The following GUCY1A2 variants were observed in gnomAD, a reference collection of about 807,000 sequenced individuals.
GUCY1A2 encodes guanylate cyclase 1 soluble subunit alpha 2, also known as guanylate cyclase soluble subunit alpha-2.
GUCY1A2 carries 27 observed loss-of-function variants against 63.5 expected under a neutral mutation model. The ratio of observed to expected loss-of-function variants is 0.43; its 90% CI spans 0.31 to 0.59. GUCY1A2 has a LOEUF of 0.59. Among genes scored for constraint, GUCY1A2 ranks in the 20% least tolerant of loss-of-function variants. The pLI is 0.11. For synonymous variants in GUCY1A2, 364 were observed against 343.5 expected (o/e 1.06, Z -0.66); for missense variants, 768 against 913.3 (o/e 0.84, Z 2.05).
intron 3 of GUCY1A2, among the ~76,000 whole-genome samples, chr11:106,944,215 CAAAAAAAAAAA>C (rs71041701): frequency 1.4e-4 from 3 of 21,576 alleles, no homozygotes; most frequent in African/African-American, 2.3e-4. Flanking sequence ...ACCCTGTCTC[CAAAAAAAAAAA>C]AAAAAAAAAA....
intron 4 of GUCY1A2, among the ~76,000 whole-genome samples, chr11:106,830,500 G>A (rs1049232958): frequency 6.6e-6 from 1 of 152,180 alleles, no homozygotes; most frequent in African/African-American, 2.4e-5. Context: ...CAATCCGGGT[G>A]GGCACCATCT....
intron 3 of GUCY1A2, among the ~76,000 whole-genome samples, chr11:106,944,634 G>A (rs1286140758): frequency 6.6e-6 from 1 of 152,044 alleles, no homozygotes; most frequent in Non-Finnish European, 1.5e-5. Context: ...ATGTACCCCT[G>A]AATTTAAAAT....
At chr11:106,798,384 A>G (rs1434152676) in intron 5 of GUCY1A2, among the ~76,000 whole-genome samples, 5 of 152,308 alleles carry the variant, frequency 3.3e-5, no homozygotes, top group Middle Eastern at 3.4e-3. Flanking sequence ...AATCAAAAGA[A>G]AAAGAGGGAA....
chr11:106,782,215 A>AT (rs1864477521), intron 5 of GUCY1A2, among the ~76,000 whole-genome samples: 1 of 152,146 alleles, frequency 6.6e-6, no homozygotes, highest in Non-Finnish European at 1.5e-5. Context: ...CAGAGTCTAC[A>AT]TTACTGAACA....
intron 6 of GUCY1A2, among the ~76,000 whole-genome samples, chr11:106,735,408 G>A (rs79449610): frequency 0.067 from 10,209 of 152,132 alleles, 992 homozygotes; most frequent in African/African-American, 0.21. Flanking sequence ...TCATCCTTCT[G>A]AGCTGGGCTT....
chr11:106,707,701 T>C (rs1862940828), intron 7 of GUCY1A2, among the ~76,000 whole-genome samples: 1 of 152,066 alleles, frequency 6.6e-6, no homozygotes. Context: ...ATTATGACTG[T>C]GAGAGACACA....
At chr11:106,986,040 C>G (rs1432846267) in intron 2 of GUCY1A2, 30 bp downstream of exon 2, 1 of 1,104,250 alleles carries the variant, frequency 9.1e-7, no homozygotes, top group South Asian at 1.2e-5. Flanking sequence ...AATTTGTCCC[C>G]AATAATAACC....
intron 4 of GUCY1A2, among the ~76,000 whole-genome samples, chr11:106,897,998 A>G (rs1019214464): frequency 2.0e-5 from 3 of 152,190 alleles, no homozygotes; most frequent in South Asian, 2.1e-4. Context: ...TTAAAACTCA[A>G]TATTAGGGAA....
chr11:106,674,841 C>T lies in GUCY1A2; in HGVS notation c.*12708G>A, dbSNP rs1214561966. On this transcript the variant is annotated 3_prime_UTR_variant, in exon 8 of 8. Coordinates refer to ENST00000526355, the MANE Select transcript of GUCY1A2 (RefSeq NM_000855.3). ...AATTCAGGTTAAATGAAAACCACCCCATGCAGAGGATGCTAATGAAGGCCG... is the reference window on the plus strand; with the variant it reads ...AATTCAGGTTAAATGAAAACCACCCTATGCAGAGGATGCTAATGAAGGCCG... The T allele has an allele frequency of 7.4e-5, 16 of 217,472 alleles. No individual in the cohort carries two copies. The highest frequency in any genetic ancestry group is 3.0e-3 in the Middle Eastern group (2 of 676). 13.5% of individuals were successfully genotyped at this position (217,472 alleles called of 1,614,324 possible).
At chr11:106,789,333 T>C (rs61905192) in intron 5 of GUCY1A2, among the ~76,000 whole-genome samples, 15,959 of 152,148 alleles carry the variant, frequency 0.1, 1,019 homozygotes, top group African/African-American at 0.17. Context: ...CTGCTTGAGG[T>C]TTTTAATTAT....
At chr11:106,943,509 G>A (rs998884935) in intron 3 of GUCY1A2, among the ~76,000 whole-genome samples, 1 of 152,122 alleles carries the variant, frequency 6.6e-6, no homozygotes, top group African/African-American at 2.4e-5. Flanking sequence ...AATGAAATAC[G>A]ATCTGTTCCT....
chr11:106,924,401 C>T (rs7929753), intron 4 of GUCY1A2, among the ~76,000 whole-genome samples: 36,911 of 151,908 alleles, frequency 0.24, 4,594 homozygotes, highest in African/African-American at 0.31. Context: ...TATACAGAGC[C>T]TATCATAATA....
At chr11:106,812,815 T>A (rs2135425566) in intron 4 of GUCY1A2, among the ~76,000 whole-genome samples, 1 of 152,066 alleles carries the variant, frequency 6.6e-6, no homozygotes, top group Non-Finnish European at 1.5e-5. Flanking sequence ...TGTTGTTGAT[T>A]GCCTACACTA....
At position 106,985,934 on chromosome 11, in the gene GUCY1A2, C is replaced by T. The variant is rs73555805; in HGVS notation, c.365+136G>A. The T allele has an allele frequency of 3.3e-3, 2,066 of 633,834 alleles. 30 individuals are homozygous for T. Among genetic ancestry groups the T allele is most frequent in the African/African-American group, 0.033 (1,782 of 54,782 alleles). The allele number at this position is 633,834 out of a possible 1,614,324, so 39.3% of individuals were successfully genotyped here. A position where few individuals can be genotyped will look rare whatever the true frequency, so the allele number is the denominator to read the frequency against. On this transcript the variant is annotated intron_variant, in intron 2 of 7. Transcript: ENST00000526355. ...AAGGGACTCCCCCAATAAGCCTTCA[C>T]GCCCCACACTATGAAAACATAGCCA... is the stretch of plus-strand genomic sequence containing the variant.
intron 3 of GUCY1A2, among the ~76,000 whole-genome samples, chr11:106,972,496 C>A (rs1181560698): frequency 1.3e-5 from 2 of 152,026 alleles, no homozygotes; most frequent in Non-Finnish European, 2.9e-5. Flanking sequence ...AGAAGAGGTG[C>A]TAGACAGAAA....
At chr11:106,820,804 G>A (rs1275752008) in intron 4 of GUCY1A2, among the ~76,000 whole-genome samples, 3 of 152,082 alleles carry the variant, frequency 2.0e-5, no homozygotes, top group African/African-American at 7.2e-5. Flanking sequence ...ATTAACTCAA[G>A]GCTAATTATG....
intron 6 of GUCY1A2, among the ~76,000 whole-genome samples, chr11:106,748,865 C>T (rs12366164): frequency 0.046 from 7,021 of 151,972 alleles, 243 homozygotes; most frequent in African/African-American, 0.089. Context: ...AATAACACAG[C>T]GTAGAACAGA....
intron 4 of GUCY1A2, among the ~76,000 whole-genome samples, chr11:106,914,359 GCAGA>G (rs551289732): frequency 4.3e-4 from 66 of 152,064 alleles, no homozygotes; most frequent in Non-Finnish European, 8.5e-4. Flanking sequence ...AGTTTTTTAT[GCAGA>G]CAAACAAAAT....
intron 3 of GUCY1A2, 65 bp downstream of exon 3, chr11:106,978,554 T>G: frequency 8.9e-7 from 1 of 1,127,852 alleles, no homozygotes; most frequent in Non-Finnish European, 1.3e-6. Context: ...CATGAAACAC[T>G]TCCACCTCGA....
Sources: allele counts gnomAD v4.1 joint callset (sites outside exome capture counted in the v4.1 genomes callset), GRCh38; gene constraint gnomAD v4.1.1; transcripts MANE v1.5; gene names NCBI Gene and HGNC (gene_info 2026-07-23, HGNC 2026-07-21).